The following RAD54L2 variants were observed in gnomAD, a reference collection of about 807,000 sequenced individuals.
The protein encoded by RAD54L2 is helicase ARIP4.
In RAD54L2, 27 loss-of-function variants were observed where a neutral mutation model predicts 138.4. That is an observed-to-expected ratio of 0.20 (90% CI 0.14 to 0.27). The LOEUF is 0.27. Ranked by LOEUF, RAD54L2 falls within the 10% of genes least tolerant of loss-of-function variation. The pLI is 1.00. For missense variants in RAD54L2, 1,396 were observed against 1,890.2 expected, an observed-to-expected ratio of 0.74 and a Z score of 4.85; for synonymous variants, 644 against 723.2, an observed-to-expected ratio of 0.89 and a Z score of 1.76.
intron 3 of RAD54L2, among the ~76,000 whole-genome samples, chr3:51,609,425 A>C (rs1485648625): frequency 6.6e-6 from 1 of 152,036 alleles, no homozygotes; most frequent in Admixed American, 6.6e-5. Flanking sequence ...TCTTCAACCT[A>C]CTCTGTTCTC....
chr3:51,576,532 A>G (rs1699485389), intron 2 of RAD54L2, among the ~76,000 whole-genome samples: 1 of 151,948 alleles, frequency 6.6e-6, no homozygotes, highest in African/African-American at 2.4e-5. Context: ...AGAGCCTGTT[A>G]TTGGTCTATT....
At position 51,663,171 on chromosome 3, in the gene RAD54L2, A is replaced by G. The variant is rs1349784003; in HGVS notation, c.4155A>G (p.Pro1385=). 6.2e-7 allele frequency: 1 copy of G among 1,613,824 alleles called. No homozygotes were observed. ...VPGILPSYSL[P]FSQPLLSEPR... ...GGATACTACCCAGCTATTCACTCCCATTCTCACAGCCACTCCTGTCCGAGC... is the reference window on the plus strand; with the variant it reads ...GGATACTACCCAGCTATTCACTCCCGTTCTCACAGCCACTCCTGTCCGAGC... Residue 1385 remains proline (P), a synonymous_variant, in exon 23 of 23, where the codon CCA becomes CCG. Transcript: ENST00000684192.
rs1332556069 is a variant in RAD54L2 at position 51,666,076 on chromosome 3, TAG to T, written c.*2660_*2661del. 6.6e-6 allele frequency: 1 copy of T among 150,704 alleles called. No individual in the cohort carries two copies. The highest frequency in any genetic ancestry group is 1.5e-5 in the Non-Finnish European group (1 of 67,954). The allele number at this position is 150,704 out of a possible 1,614,324, so 9.3% of individuals were successfully genotyped here. On this transcript the variant is annotated 3_prime_UTR_variant, in exon 23 of 23. Transcript: ENST00000684192. Reference sequence around the variant, plus strand: ...CATCATTCTGGGAGGCTGACCTGACTAGAGAAGGCTTTCTTTTATATGTGCAG... The same window carrying T: ...CATCATTCTGGGAGGCTGACCTGACTAGAAGGCTTTCTTTTATATGTGCAG...
chr3:51,647,439 G>A (rs918517900), intron 19 of RAD54L2, among the ~76,000 whole-genome samples: 6 of 152,154 alleles, frequency 3.9e-5, no homozygotes, highest in South Asian at 4.1e-4. Context: ...AGGTCTAGGC[G>A]GGCAGATCAC....
rs772918692 is a variant in RAD54L2 at position 51,646,438 on chromosome 3, G to T, written c.2983G>T (p.Asp995Tyr). The T allele has an allele frequency of 6.2e-7, 1 of 1,613,476 alleles. No individual in the cohort carries two copies. The highest frequency in any genetic ancestry group is 1.3e-5 in the African/African-American group (1 of 74,914). ...GTATGCGCAGTATTACCCTGCCAGC[G>T]ATCAGAGCCTGACCAGCATCCCCGC... ...PSYAQYYPAS[D>Y]QSLTSIPAFS... The change falls in exon 19 of 23, where the codon GAT becomes TAT. Residue 995 changes from aspartate to tyrosine, a missense_variant. By Grantham distance (160) the Asp-to-Tyr change is radical (BLOSUM62 -3). Coordinates refer to ENST00000684192, the MANE Select transcript of RAD54L2 (RefSeq NM_015106.4).
At chr3:51,640,050 C>A in intron 14 of RAD54L2, 51 bp downstream of exon 14, 2 of 1,402,734 alleles carry the variant, frequency 1.4e-6, no homozygotes, top group Non-Finnish European at 9.9e-7. Context: ...TAAAGAATGA[C>A]AAAACCACCA....
chr3:51,572,044 G>A (rs1196301438), intron 2 of RAD54L2, among the ~76,000 whole-genome samples: 2 of 152,136 alleles, frequency 1.3e-5, no homozygotes, highest in African/African-American at 4.8e-5. Context: ...ATCTTTGCTA[G>A]TATTCACTTG....
At position 51,627,616 on chromosome 3, in the gene RAD54L2, C is replaced by T. The variant is rs764887192; in HGVS notation, c.203C>T (p.Pro68Leu). Residue 68 changes from proline to leucine, a missense_variant, in exon 4 of 23, where the codon CCG becomes CTG. Around this residue, in one of 7 missense-constraint regions of RAD54L2, gnomAD observed 256 missense variants for 344.6 expected, o/e 0.74. Transcript: ENST00000684192. ...HAQLGEDGQQPPRCTSTTSSQ... is the reference protein window; with the variant it reads ...HAQLGEDGQQLPRCTSTTSSQ... ...CAGTTGGGAGAAGATGGGCAGCAGC[C>T]GCCGCGGTGCACTTCAACTACCTCA... 21 of 1,566,918 alleles carry T rather than the reference C, an allele frequency of 1.3e-5. No individual in the cohort carries two copies. The highest frequency in any genetic ancestry group is 2.4e-5 in the East Asian group (1 of 41,686).
chr3:51,644,247 C>G (rs1263663534), intron 16 of RAD54L2, among the ~76,000 whole-genome samples: 1 of 152,066 alleles, frequency 6.6e-6, no homozygotes, highest in Non-Finnish European at 1.5e-5. Context: ...ATTGCTTGAA[C>G]CCAGGGGTTC....
intron 19 of RAD54L2, among the ~76,000 whole-genome samples, chr3:51,647,623 C>G (rs1006833805): frequency 6.6e-6 from 1 of 152,016 alleles, no homozygotes; most frequent in East Asian, 1.9e-4. Context: ...GAGCCGAGAT[C>G]GCGCCATTGC....
At chr3:51,632,248 C>T (rs1040730654) in intron 7 of RAD54L2, among the ~76,000 whole-genome samples, 3 of 152,154 alleles carry the variant, frequency 2.0e-5, no homozygotes, top group Middle Eastern at 3.2e-3. Context: ...GGGTTGATTA[C>T]GTATTTTGGC....
intron 3 of RAD54L2, among the ~76,000 whole-genome samples, chr3:51,592,008 T>A (rs1699848430): frequency 1.3e-5 from 2 of 151,780 alleles, no homozygotes; most frequent in South Asian, 4.1e-4. Context: ...AAGAATTTAA[T>A]TGTGATTTGT....
rs35035597 is a variant in RAD54L2 at position 51,668,065 on chromosome 3, C to CTGTGTGTGTGTGTG, written c.*4652_*4665dup. The CTGTGTGTGTGTGTG allele has an allele frequency of 3.3e-5, 5 of 149,948 alleles. No individual in the cohort carries two copies. The highest frequency in any genetic ancestry group is 4.2e-4 in the South Asian group (2 of 4,736). 9.3% of individuals were successfully genotyped at this position (149,948 alleles called of 1,614,324 possible). A position where few individuals can be genotyped will look rare whatever the true frequency, so the allele number is the denominator to read the frequency against. On this transcript the variant is annotated 3_prime_UTR_variant, in exon 23 of 23. Coordinates refer to ENST00000684192, the MANE Select transcript of RAD54L2 (RefSeq NM_015106.4). ...CTCCCTGGAAGAGAGCTCAGCCCAG[C>CTGTGTGTGTGTGTG]TGTGTGTGTGTGTGTGTGTGAGTGT...
At position 51,637,621 on chromosome 3, in the gene RAD54L2, G is replaced by A; in HGVS notation, c.1682+118G>A. Reference sequence around the variant, plus strand: ...GTAGGAGGGCCCCTTCCCTGGGGCAGTAGTAAAACTTTGCTTCCTGTGACA... The same window carrying A: ...GTAGGAGGGCCCCTTCCCTGGGGCAATAGTAAAACTTTGCTTCCTGTGACA... On this transcript the variant is annotated intron_variant, in intron 11 of 22. Transcript: ENST00000684192. The surrounding 1 kb of genome is among the most constrained non-coding windows in gnomAD (Gnocchi z 5.9). 2.0e-6 allele frequency: 2 copies of A among 1,014,374 alleles called. No homozygotes were observed. The highest frequency in any genetic ancestry group is 3.4e-5 in the South Asian group (2 of 58,360). The allele number at this position is 1,014,374 out of a possible 1,614,324, so 62.8% of individuals were successfully genotyped here.
At chr3:51,623,035 T>C (rs1700599681) in intron 3 of RAD54L2, among the ~76,000 whole-genome samples, 1 of 152,258 alleles carries the variant, frequency 6.6e-6, no homozygotes, top group South Asian at 2.1e-4. Flanking sequence ...TTTCCCCATG[T>C]GGTCTATTCC....
intron 2 of RAD54L2, among the ~76,000 whole-genome samples, chr3:51,553,159 C>T (rs1366733172): frequency 1.3e-5 from 2 of 152,074 alleles, no homozygotes; most frequent in Non-Finnish European, 2.9e-5. Context: ...CTCACTGCAA[C>T]CTCCACCTCC....
intron 3 of RAD54L2, among the ~76,000 whole-genome samples, chr3:51,595,898 T>C (rs1201550747): frequency 6.6e-6 from 1 of 150,820 alleles, no homozygotes; most frequent in African/African-American, 2.4e-5. Flanking sequence ...TGGCTTTCCT[T>C]ATATAATAGT....
In RAD54L2 at chr3:51,663,324, GCCT is replaced by G; in HGVS notation, c.4311_4313del (p.Pro1438del). Reference sequence around the variant, plus strand: ...CTGGTGGCCTCCTACGGTCCCAGGTGCCTCCATTTGACTCTCATGAGGTTGCCG... The same window carrying G: ...CTGGTGGCCTCCTACGGTCCCAGGTGCCATTTGACTCTCATGAGGTTGCCG... On this transcript the variant is annotated inframe_deletion, in exon 23 of 23. Coordinates refer to ENST00000684192, the MANE Select transcript of RAD54L2 (RefSeq NM_015106.4). The G allele has an allele frequency of 6.2e-7, 1 of 1,613,938 alleles. No individual in the cohort carries two copies. The highest frequency in any genetic ancestry group is 2.2e-5 in the East Asian group (1 of 44,874).
intron 2 of RAD54L2, among the ~76,000 whole-genome samples, chr3:51,574,871 T>C (rs1017074769): frequency 1.3e-5 from 2 of 152,254 alleles, no homozygotes; most frequent in African/African-American, 4.8e-5. Flanking sequence ...TTTGTCAATT[T>C]TGGCTTTTGT....
Sources: gnomAD v4.1 joint callset for allele counts (sites outside exome capture counted in the v4.1 genomes callset) on GRCh38, gnomAD v4.1.1 for gene constraint, gnomAD v4.1.1 regional missense constraint, Gnocchi (gnomAD v3.1) non-coding constraint, MANE v1.5 for transcripts, NCBI Gene and HGNC (gene_info 2026-07-23, HGNC 2026-07-21) for gene names.